Variants in DYNC1LI1 observed in about 807,000 individuals in gnomAD.
DYNC1LI1 encodes dynein cytoplasmic 1 light intermediate chain 1.
In DYNC1LI1, 19 loss-of-function variants were observed where a neutral mutation model predicts 63.8. The observed-to-expected ratio is 0.30, with a 90% CI of 0.21 to 0.44. The LOEUF is 0.44. DYNC1LI1 is among the 20% of genes least tolerant of loss of function. The pLI, the probability that DYNC1LI1 is intolerant of heterozygous loss-of-function variation, is 1.00. For synonymous variants in DYNC1LI1, 225 were observed against 232.3 expected, an observed-to-expected ratio of 0.97 and a Z score of 0.28; for missense variants, 565 against 630.2, an observed-to-expected ratio of 0.90 and a Z score of 1.11.
intron 2 of DYNC1LI1, among the ~76,000 whole-genome samples, chr3:32,547,639 C>G (rs191195487): frequency 1.7e-3 from 264 of 152,218 alleles, no homozygotes; most frequent in African/African-American, 6.0e-3. Flanking sequence ...TTCAAAGTAT[C>G]CCAGAGCAGT....
intron 6 of DYNC1LI1, among the ~76,000 whole-genome samples, chr3:32,535,111 G>A (rs1697756967): frequency 6.6e-6 from 1 of 152,196 alleles, no homozygotes; most frequent in Non-Finnish European, 1.5e-5. Context: ...ATAAGGCTCA[G>A]GAGACTCACT....
At chr3:32,546,883 A>G (rs1346224728) in intron 2 of DYNC1LI1, among the ~76,000 whole-genome samples, 1 of 152,178 alleles carries the variant, frequency 6.6e-6, no homozygotes, top group African/African-American at 2.4e-5. Context: ...AAATAGACTT[A>G]AAAGTATTAA....
chr3:32,551,572 A>T (rs114572256), intron 2 of DYNC1LI1, among the ~76,000 whole-genome samples: 1 of 152,170 alleles, frequency 6.6e-6, no homozygotes, highest in African/African-American at 2.4e-5. Flanking sequence ...AGAATGACTG[A>T]CAAGAGTAAG....
intron 6 of DYNC1LI1, among the ~76,000 whole-genome samples, chr3:32,536,054 G>A (rs1697769785): frequency 6.6e-6 from 1 of 152,006 alleles, no homozygotes; most frequent in African/African-American, 2.4e-5. Context: ...AACCAACTCA[G>A]CCATTTGGTG....
rs1342974913 is a variant in DYNC1LI1, at chr3:32,537,993, AT to A, written c.739-890del. On this transcript the variant is annotated intron_variant, in intron 5 of 12. Transcript: ENST00000273130. ...ATATATTTATATATAATATATATAT[AT>A]AATTTATATATATAATATATATATA... is the stretch of plus-strand genomic sequence containing the variant. 9.6e-5 allele frequency among the ~76,000 whole-genome samples: 6 copies of A among 62,370 alleles called. No individual in the cohort carries two copies. The East Asian group carries it at 2.0e-3, about 21-fold the overall frequency. The allele number at this position is 62,370 out of a possible 152,430, so 40.9% of individuals were successfully genotyped here.
At chr3:32,563,065 T>A (rs1413805655) in intron 2 of DYNC1LI1, among the ~76,000 whole-genome samples, 1 of 152,146 alleles carries the variant, frequency 6.6e-6, no homozygotes, top group Non-Finnish European at 1.5e-5. Flanking sequence ...TTTGAGTCTC[T>A]TCCCCACAGG....
intron 2 of DYNC1LI1, among the ~76,000 whole-genome samples, chr3:32,559,489 C>T (rs374996737): frequency 1.3e-5 from 2 of 152,246 alleles, no homozygotes; most frequent in East Asian, 3.9e-4. Context: ...TCTGCCCACC[C>T]TGGCCTCCCA....
intron 2 of DYNC1LI1, 27 bp downstream of exon 2, chr3:32,570,298 CGGGCCGCTGGGGGCCGGGCGG>C: frequency 1.4e-6 from 2 of 1,472,832 alleles, no homozygotes; most frequent in Non-Finnish European, 1.9e-6. Context: ...CCAGGTACCC[CGGGCCGCTGGGGGCCGGGCGG>C]GGCGGGGCGA....
intron 2 of DYNC1LI1, among the ~76,000 whole-genome samples, chr3:32,558,617 G>A (rs1040555199): frequency 8.6e-5 from 13 of 151,844 alleles, no homozygotes; most frequent in South Asian, 8.3e-4. Context: ...AGGCCGAGGC[G>A]GGCCGATCAT....
chr3:32,536,949 CT>C (rs1390982404), intron 6 of DYNC1LI1, 61 bp downstream of exon 6: 4 of 947,722 alleles, frequency 4.2e-6, no homozygotes, highest in Non-Finnish European at 6.4e-6. Context: ...ATTCTTTTAA[CT>C]TTAAAAAACT....
chr3:32,536,561 C>G (rs1697776099), intron 6 of DYNC1LI1, among the ~76,000 whole-genome samples: 1 of 152,052 alleles, frequency 6.6e-6, no homozygotes, highest in Non-Finnish European at 1.5e-5. Flanking sequence ...TACTCCAATC[C>G]AATATGTCTA....
chr3:32,562,212 A>G (rs1284245898), intron 2 of DYNC1LI1, among the ~76,000 whole-genome samples: 1 of 152,176 alleles, frequency 6.6e-6, no homozygotes, highest in Non-Finnish European at 1.5e-5. Context: ...GCAGTAAGCT[A>G]TGATTACACT....
chr3:32,543,596 C>T (rs924122258), intron 4 of DYNC1LI1, among the ~76,000 whole-genome samples: 1 of 149,572 alleles, frequency 6.7e-6, no homozygotes, highest in Non-Finnish European at 1.5e-5. Flanking sequence ...TTAGTAGGGA[C>T]AGGGTTTCAC....
chr3:32,533,391 C>G (rs755466296), intron 7 of DYNC1LI1, among the ~76,000 whole-genome samples: 2 of 152,088 alleles, frequency 1.3e-5, no homozygotes, highest in African/African-American at 4.8e-5. Flanking sequence ...ACAGGAGAAT[C>G]GCTTGAGCCT....
At chr3:32,563,604 T>A (rs1418919491) in intron 2 of DYNC1LI1, among the ~76,000 whole-genome samples, 1 of 152,190 alleles carries the variant, frequency 6.6e-6, no homozygotes, top group Admixed American at 6.5e-5. Flanking sequence ...TTAGACTTGT[T>A]AGTGACAGAG....
At chr3:32,570,552 G>A in intron 1 of DYNC1LI1, 73 bp downstream of exon 1, 1 of 1,516,908 alleles carries the variant, frequency 6.6e-7, no homozygotes, top group Non-Finnish European at 8.8e-7. Context: ...AGCTCCAGCG[G>A]GCACGGGATC....
intron 2 of DYNC1LI1, among the ~76,000 whole-genome samples, chr3:32,549,840 G>T (rs1476122007): frequency 6.6e-6 from 1 of 151,604 alleles, no homozygotes; most frequent in African/African-American, 2.4e-5. Flanking sequence ...CCTTCATAAG[G>T]GTAAAAACTT....
chr3:32,534,965 T>C (rs752983933), intron 6 of DYNC1LI1, among the ~76,000 whole-genome samples: 1 of 152,234 alleles, frequency 6.6e-6, no homozygotes, highest in Non-Finnish European at 1.5e-5. Flanking sequence ...ACAATTTTTA[T>C]GTTTTAACTT....
chr3:32,564,852 G>A (rs1698237856), intron 2 of DYNC1LI1, among the ~76,000 whole-genome samples: 1 of 152,042 alleles, frequency 6.6e-6, no homozygotes, highest in African/African-American at 2.4e-5. Flanking sequence ...TTTATAATCA[G>A]TCCTCACATA....
Sources: allele counts gnomAD v4.1 joint callset (sites outside exome capture counted in the v4.1 genomes callset), GRCh38; gene constraint gnomAD v4.1.1; transcripts MANE v1.5; gene names NCBI Gene and HGNC (gene_info 2026-07-23, HGNC 2026-07-21).